Variants in SFTPB observed in about 807,000 individuals in gnomAD.
SFTPB encodes pulmonary surfactant-associated protein B.
Under a neutral mutation model 51.0 loss-of-function variants are expected in SFTPB, and 32 were observed. The observed-to-expected ratio is 0.63, with a 90% CI of 0.47 to 0.84. SFTPB has a LOEUF of 0.84. Ranked by LOEUF, SFTPB falls within the 40% of genes least tolerant of loss-of-function variation. The pLI, the probability that SFTPB is intolerant of heterozygous loss-of-function variation, is 0.00. For synonymous variants in SFTPB, 211 were observed against 208.5 expected (o/e 1.01, Z -0.10); for missense variants, 431 against 491.2 (o/e 0.88, Z 1.16).
chr2:85,666,762 C>T lies in SFTPB; in HGVS notation c.268-20G>A, dbSNP rs3024799. The T allele has an allele frequency of 1.5e-5, 24 of 1,613,360 alleles. No individual in the cohort carries two copies. The African/African-American group carries it at 2.0e-4, about 13-fold the overall frequency. On this transcript the variant is annotated intron_variant, in intron 3 of 10. Coordinates refer to ENST00000519937, the MANE Select transcript of SFTPB (RefSeq NM_000542.5). Reference sequence around the variant, plus strand: ...CGTGTCCTGGGAGGCCAGAGGGGGCCGTCAGCTGGGCCTCTCTGAGGTCTA... The same window carrying T: ...CGTGTCCTGGGAGGCCAGAGGGGGCTGTCAGCTGGGCCTCTCTGAGGTCTA...
Position 85,660,444 on chromosome 2 carries a change from C to CTTTTTT in SFTPB, c.*20-768_*20-763dup, listed in dbSNP as rs67187198. Among the ~76,000 whole-genome samples, 10 of 97,450 alleles carry CTTTTTT rather than the reference C, an allele frequency of 1.0e-4. 1 individual carries two copies. Among genetic ancestry groups the CTTTTTT allele is most frequent in the Admixed American group, 3.7e-4 (3 of 8,092 alleles). 63.9% of individuals were successfully genotyped at this position (97,450 alleles called of 152,430 possible). A position where few individuals can be genotyped will look rare whatever the true frequency, so the allele number is the denominator to read the frequency against. The stretch of plus-strand genomic sequence containing the variant: ...GCCACTGCGCCCAGCAAAGAAATAC[C>CTTTTTT]TTTTTTTTTTTTTTTTTTTTCCTGA... On this transcript the variant is annotated intron_variant, in intron 10 of 10. Coordinates refer to ENST00000519937, the MANE Select transcript of SFTPB (RefSeq NM_000542.5).
chr2:85,663,215 C>T (rs1677397846), intron 8 of SFTPB, 131 bp downstream of exon 8: 4 of 1,276,254 alleles, frequency 3.1e-6, no homozygotes, highest in Non-Finnish European at 3.4e-6. Context: ...TTGTCTGCCC[C>T]ACATCCTGTC....
At position 85,657,891 on chromosome 2, in the gene SFTPB, G is replaced by A. The variant is rs1333947499; in HGVS notation, c.*1811C>T. ...TACAAAATACCTTCTTAAGGGTGCG[G>A]GGGTGCGGGCGTGGGGTGGGTGGGG... On this transcript the variant is annotated 3_prime_UTR_variant, in exon 11 of 11. Transcript: ENST00000519937. 6.6e-6 allele frequency: 1 copy of A among 152,084 alleles called. No homozygotes were observed. The highest frequency in any genetic ancestry group is 1.5e-5 in the Non-Finnish European group (1 of 68,024). 9.4% of individuals were successfully genotyped at this position (152,084 alleles called of 1,614,324 possible).
chr2:85,665,595 G>A lies in SFTPB; in HGVS notation c.582+11C>T, dbSNP rs1258566959. 2 of 1,612,716 alleles carry A rather than the reference G, an allele frequency of 1.2e-6. No individual in the cohort carries two copies. Among genetic ancestry groups the A allele is most frequent in the Non-Finnish European group, 1.7e-6 (2 of 1,179,564 alleles). ...GATCTCCACTTTACTGGCTGTGGGG[G>A]CCTCCCTCACCTGTGTGTGAGGCCC... On this transcript the variant is annotated intron_variant, in intron 5 of 10. Coordinates refer to ENST00000519937, the MANE Select transcript of SFTPB (RefSeq NM_000542.5).
chr2:85,668,087 C>G, intron 1 of SFTPB, 30 bp downstream of exon 1: 1 of 1,517,452 alleles, frequency 6.6e-7, no homozygotes, highest in Non-Finnish European at 9.0e-7. Context: ...GTGGAGCTGC[C>G]TAGGAGAGGG....
chr2:85,666,980 G>A, intron 3 of SFTPB, 126 bp downstream of exon 3: 3 of 985,404 alleles, frequency 3.0e-6, no homozygotes, highest in Non-Finnish European at 4.8e-6. Flanking sequence ...GGAGGAGCTG[G>A]GACTTCCCAG....
At chr2:85,663,982 A>G in intron 6 of SFTPB, 135 bp from the exon 7 acceptor site, 1 of 818,834 alleles carries the variant, frequency 1.2e-6, no homozygotes, top group Non-Finnish European at 1.9e-6. Flanking sequence ...CTATTCACAA[A>G]TAAGGACACT....
chr2:85,661,583 C>T, intron 9 of SFTPB, 48 bp from the exon 10 acceptor site: 2 of 1,486,746 alleles, frequency 1.3e-6, no homozygotes. Flanking sequence ...CCCTCAGCTC[C>T]CCACACCCAG....
intron 10 of SFTPB, among the ~76,000 whole-genome samples, chr2:85,660,734 C>T (rs929788920): frequency 9.2e-5 from 14 of 152,266 alleles, no homozygotes; most frequent in African/African-American, 2.2e-4. Context: ...GGATTACCGG[C>T]GTGAGCCACC....
Position 85,657,905 on chromosome 2 carries a change from G to A in SFTPB, c.*1797C>T, listed in dbSNP as rs1221981729. The A allele has an allele frequency of 6.6e-6, 1 of 152,106 alleles. No individual in the cohort carries two copies. Among genetic ancestry groups the A allele is most frequent in the Non-Finnish European group, 1.5e-5 (1 of 68,030 alleles). 9.4% of individuals were successfully genotyped at this position (152,106 alleles called of 1,614,324 possible). ...TTAAGGGTGCGGGGGTGCGGGCGTG[G>A]GGTGGGTGGGGAGAATATTACAAAG... On this transcript the variant is annotated 3_prime_UTR_variant, in exon 11 of 11. Coordinates refer to ENST00000519937, the MANE Select transcript of SFTPB (RefSeq NM_000542.5).
chr2:85,668,488 A>G (rs1338422834), upstream of SFTPB, among the ~76,000 whole-genome samples: 1 of 151,986 alleles, frequency 6.6e-6, no homozygotes, highest in Non-Finnish European at 1.5e-5. Flanking sequence ...AGGCCGTGGG[A>G]GGGAGGTTGA....
chr2:85,668,391 G>T, upstream of SFTPB: 2 of 608,878 alleles, frequency 3.3e-6, no homozygotes, highest in Non-Finnish European at 6.0e-6. Context: ...TGCCTCCTTT[G>T]CCCCCTGCCC....
intron 9 of SFTPB, 148 bp downstream of exon 9, chr2:85,661,881 A>C: frequency 1.4e-6 from 1 of 703,718 alleles, no homozygotes; most frequent in South Asian, 1.8e-5. Context: ...ACACTGAAAC[A>C]GAGAGGGGTG....
At position 85,659,189 on chromosome 2, in the gene SFTPB, AAC is replaced by A. The variant is rs1358806198; in HGVS notation, c.*511_*512del. 6.6e-6 allele frequency: 1 copy of A among 152,132 alleles called. No individual in the cohort carries two copies. The highest frequency in any genetic ancestry group is 1.5e-5 in the Non-Finnish European group (1 of 68,022). The allele number at this position is 152,132 out of a possible 1,614,324, so 9.4% of individuals were successfully genotyped here. ...AATTGCTGATTTTTTGAAAAAGCTT[AAC>A]TTAACAATTTCTGATGTCTATCTTT... is the stretch of plus-strand genomic sequence containing the variant. On this transcript the variant is annotated 3_prime_UTR_variant, in exon 11 of 11. Coordinates refer to ENST00000519937, the MANE Select transcript of SFTPB (RefSeq NM_000542.5).
chr2:85,663,510 G>C lies in SFTPB; in HGVS notation c.857-19C>G, dbSNP rs775873165. 3 of 1,612,848 alleles carry C rather than the reference G, an allele frequency of 1.9e-6. No individual in the cohort carries two copies. The highest frequency in any genetic ancestry group is 1.3e-5 in the African/African-American group (1 of 74,742). The stretch of plus-strand genomic sequence containing the variant: ...GGCGACCCTGGAGATGTGAGCATTA[G>C]GGGGAAAGCAGGCAAGGCCACCCTA... On this transcript the variant is annotated intron_variant, in intron 7 of 10. Coordinates refer to ENST00000519937, the MANE Select transcript of SFTPB (RefSeq NM_000542.5).
chr2:85,667,032 G>C (rs1304892469), intron 3 of SFTPB, 74 bp downstream of exon 3: 3 of 1,372,858 alleles, frequency 2.2e-6, no homozygotes, highest in Non-Finnish European at 3.1e-6. Flanking sequence ...GCCCCTTTAG[G>C]GGGCTCAGCT....
rs34334231 is a variant in SFTPB, at chr2:85,666,423, TTGTG to T, written c.393+190_393+193del. 3.1e-3 allele frequency: 1,276 copies of T among 411,702 alleles called. 1 individual carries two copies. The highest frequency in any genetic ancestry group is 0.012 in the African/African-American group (358 of 29,010). 25.5% of individuals were successfully genotyped at this position (411,702 alleles called of 1,614,324 possible). Reference sequence around the variant, plus strand: ...TGTGTGTGTCCGGCCAGCTGGGGTGTTGTGTGTGTGTGTGTGTGTGTGTCCGGCT... The same window carrying T: ...TGTGTGTGTCCGGCCAGCTGGGGTGTTGTGTGTGTGTGTGTGTGTCCGGCT... On this transcript the variant is annotated intron_variant, in intron 4 of 10. Transcript: ENST00000519937.
At position 85,665,884 on chromosome 2, in the gene SFTPB, A is replaced by T. The variant is rs1364947097; in HGVS notation, c.394-90T>A. Reference sequence around the variant, plus strand: ...GCCCAAGGGCTCAGGGACCACTGGAATGGGAGGAAGCAGGCCTAGTGGGGG... The same window carrying T: ...GCCCAAGGGCTCAGGGACCACTGGATTGGGAGGAAGCAGGCCTAGTGGGGG... On this transcript the variant is annotated intron_variant, in intron 4 of 10. Transcript: ENST00000519937. 2.4e-6 allele frequency: 3 copies of T among 1,274,538 alleles called. No homozygotes were observed. In the African/African-American group the frequency reaches 4.4e-5, roughly 19 times the overall value. 79.0% of individuals were successfully genotyped at this position (1,274,538 alleles called of 1,614,324 possible). A position where few individuals can be genotyped will look rare whatever the true frequency, so the allele number is the denominator to read the frequency against.
At chr2:85,661,761 A>G (rs1162415104) in intron 9 of SFTPB, among the ~76,000 whole-genome samples, 1 of 152,120 alleles carries the variant, frequency 6.6e-6, no homozygotes, top group Non-Finnish European at 1.5e-5. Context: ...CCACCCCACC[A>G]GCACACACTG....
Sources: gnomAD v4.1 joint callset for allele counts (sites outside exome capture counted in the v4.1 genomes callset) on GRCh38, gnomAD v4.1.1 for gene constraint, MANE v1.5 for transcripts, NCBI Gene and HGNC (gene_info 2026-07-23, HGNC 2026-07-21) for gene names.